Variants in SOX5 observed in about 807,000 individuals in gnomAD.
SOX5 encodes the protein SRY-box transcription factor 5, also known as transcription factor SOX-5.
SOX5 carries 9 observed loss-of-function variants against 92.0 expected under a neutral mutation model. That is an observed-to-expected ratio of 0.10 (90% CI 0.06 to 0.17). The LOEUF (loss-of-function observed/expected upper bound fraction) is 0.17, where lower values mean the gene tolerates loss of function less well. Among genes scored for constraint, SOX5 ranks in the 10% least tolerant of loss-of-function variants. SOX5 has a pLI of 1.00. For synonymous variants in SOX5, 344 were observed against 336.3 expected, an observed-to-expected ratio of 1.02 and a Z score of -0.25; for missense variants, 642 against 944.5, an observed-to-expected ratio of 0.68 and a Z score of 4.20.
chr12:24,160,281 T>A (rs1396747454), intron 4 of SOX5, among the ~76,000 whole-genome samples: 1 of 152,024 alleles, frequency 6.6e-6, no homozygotes, highest in African/African-American at 2.4e-5. Context: ...ATAACATCTA[T>A]AGTAGGAAAA....
At chr12:24,121,251 G>T (rs1948581397) in intron 4 of SOX5, among the ~76,000 whole-genome samples, 1 of 152,164 alleles carries the variant, frequency 6.6e-6, no homozygotes, top group Non-Finnish European at 1.5e-5. Flanking sequence ...ATGAATATGA[G>T]CATTCTTCCA....
rs1303681717 is a variant in SOX5, at chr12:23,561,237, ACT to A, written c.1488+2019_1488+2020del. Among the ~76,000 whole-genome samples the A allele has an allele frequency of 4.6e-5, 7 of 152,310 alleles. No homozygotes were observed. The South Asian group carries it at 1.0e-3, about 23-fold the overall frequency. On this transcript the variant is annotated intron_variant, in intron 11 of 14. Coordinates refer to ENST00000451604, the MANE Select transcript of SOX5 (RefSeq NM_006940.6). ...GAAGCAGTAGCTATCAACGGAGGCA[ACT>A]CTCACTCCTGCAACCCAAGTAGGAG...
chr12:23,535,224 A>C (rs558974708), intron 14 of SOX5, among the ~76,000 whole-genome samples: 1 of 152,336 alleles, frequency 6.6e-6, no homozygotes, highest in Admixed American at 6.5e-5. Flanking sequence ...ATCTAAAGAT[A>C]ATTAAATTTT....
At chr12:23,794,960 A>G (rs2095537277) in intron 3 of SOX5, among the ~76,000 whole-genome samples, 1 of 152,140 alleles carries the variant, frequency 6.6e-6, no homozygotes. Flanking sequence ...TATATTAAAA[A>G]TTTAATAAAT....
At chr12:24,353,329 G>A (rs139937504) in intron 2 of SOX5, among the ~76,000 whole-genome samples, 24 of 152,220 alleles carry the variant, frequency 1.6e-4, no homozygotes, top group Non-Finnish European at 2.6e-4. Context: ...TTCGTTTCCC[G>A]TAAAGAAACT....
chr12:24,023,143 C>T (rs1954505188), intron 4 of SOX5, among the ~76,000 whole-genome samples: 1 of 152,036 alleles, frequency 6.6e-6, no homozygotes, highest in East Asian at 1.9e-4. Flanking sequence ...TCATAATTCC[C>T]AGGGAGTATT....
At chr12:23,592,976 G>A (rs1247917877) in intron 9 of SOX5, among the ~76,000 whole-genome samples, 3 of 152,038 alleles carry the variant, frequency 2.0e-5, no homozygotes, top group Non-Finnish European at 4.4e-5. Flanking sequence ...CTACTCAGGA[G>A]GCTGAGACAG....
At chr12:24,097,200 A>C (rs950225727) in intron 4 of SOX5, among the ~76,000 whole-genome samples, 15 of 152,108 alleles carry the variant, frequency 9.9e-5, no homozygotes, top group Admixed American at 9.2e-4. Flanking sequence ...TGTTTATTCA[A>C]GTCCTTTGTC....
intron 4 of SOX5, among the ~76,000 whole-genome samples, chr12:24,165,413 AATG>A (rs1239990422): frequency 6.6e-6 from 1 of 152,176 alleles, no homozygotes; most frequent in African/African-American, 2.4e-5. Context: ...TTATTTCTGA[AATG>A]ATATTCTATA....
At chr12:23,624,308 T>A (rs950063669) in intron 8 of SOX5, among the ~76,000 whole-genome samples, 2 of 152,148 alleles carry the variant, frequency 1.3e-5, no homozygotes, top group African/African-American at 4.8e-5. Context: ...GCCACTGAAC[T>A]GTGTACATAA....
intron 11 of SOX5, among the ~76,000 whole-genome samples, chr12:23,557,941 ACTCCAGC>A (rs1945490489): frequency 7.0e-6 from 1 of 143,800 alleles, no homozygotes. Context: ...GCGCCATTGC[ACTCCAGC>A]CTGGGTGACA....
intron 5 of SOX5, among the ~76,000 whole-genome samples, chr12:23,736,117 A>G (rs1219190786): frequency 6.6e-6 from 1 of 152,068 alleles, no homozygotes; most frequent in Non-Finnish European, 1.5e-5. Flanking sequence ...AATAAGTTCT[A>G]GATCTCATTC....
At position 24,133,586 on chromosome 12, in the gene SOX5, G is replaced by A. The variant is rs77177695; in HGVS notation, c.-2+79757C>T. On this transcript the variant is annotated intron_variant, in intron 4 of 4. Coordinates refer to the SOX5 transcript ENST00000446891. Reference sequence around the variant, plus strand: ...TGCGGCTCTTCAAAGCACAAAGGGGGGTGTGGGGGACTGTGGCGGGGATGC... The same window carrying A: ...TGCGGCTCTTCAAAGCACAAAGGGGAGTGTGGGGGACTGTGGCGGGGATGC... Among the ~76,000 whole-genome samples, 954 of 152,202 alleles carry A rather than the reference G, an allele frequency of 6.3e-3. 10 individuals are homozygous for A. Among genetic ancestry groups the A allele is most frequent in the South Asian group, 0.038 (184 of 4,816 alleles).
chr12:23,620,442 G>A (rs980123920), intron 8 of SOX5, among the ~76,000 whole-genome samples: 3 of 151,936 alleles, frequency 2.0e-5, no homozygotes, highest in Non-Finnish European at 4.4e-5. Context: ...ATTTAAAATC[G>A]ATTACAGAAT....
intron 9 of SOX5, among the ~76,000 whole-genome samples, chr12:23,600,532 TATATATATATATATATATATACAC>T (rs1476380104): frequency 2.6e-5 from 3 of 113,828 alleles, no homozygotes; most frequent in South Asian, 2.7e-4. Flanking sequence ...CATATATATA[TATATATATATATATATATATACAC>T]ATACTTGGCT....
intron 1 of SOX5, among the ~76,000 whole-genome samples, chr12:24,554,240 C>T (rs1215264720): frequency 6.6e-6 from 1 of 152,130 alleles, no homozygotes; most frequent in Non-Finnish European, 1.5e-5. Context: ...GCCATAGTTC[C>T]TAAACCAGAA....
rs1950193858 is a variant in SOX5, at chr12:23,987,770, G to A, written c.-1-91746C>T. Among the ~76,000 whole-genome samples, 4 of 152,298 alleles carry A rather than the reference G, an allele frequency of 2.6e-5. No individual in the cohort carries two copies. The South Asian group carries it at 8.3e-4, about 32-fold the overall frequency. ...ATCAGGCCACCATATTCCAGCCTGG[G>A]CGACAGAGCTAGACCCTGCCTTGAA... On this transcript the variant is annotated intron_variant, in intron 4 of 4. Transcript: ENST00000446891.
At chr12:24,020,930 C>A (rs960221219) in intron 4 of SOX5, among the ~76,000 whole-genome samples, 1 of 152,088 alleles carries the variant, frequency 6.6e-6, no homozygotes, top group South Asian at 2.1e-4. Context: ...AAGAGGTCTG[C>A]CCTGCAGAAA....
rs577749820 is a variant in SOX5 at position 24,067,911 on chromosome 12, G to A, written c.-2+145432C>T. On this transcript the variant is annotated intron_variant, in intron 4 of 4. Coordinates refer to the SOX5 transcript ENST00000446891. ...TGTAATCCCAGCACTATGGGAGGCCGAGGCGGGCGGATTGCCTGAGCTCAG... is the reference window on the plus strand; with the variant it reads ...TGTAATCCCAGCACTATGGGAGGCCAAGGCGGGCGGATTGCCTGAGCTCAG... Among the ~76,000 whole-genome samples the A allele has an allele frequency of 1.8e-4, 28 of 152,330 alleles. No individual in the cohort carries two copies. The East Asian group carries it at 2.9e-3, about 16-fold the overall frequency.
Sources: allele counts gnomAD v4.1 joint callset (sites outside exome capture counted in the v4.1 genomes callset), GRCh38; gene constraint gnomAD v4.1.1; transcripts MANE v1.5; gene names NCBI Gene and HGNC (gene_info 2026-07-23, HGNC 2026-07-21).